POLA1: variants seen among roughly 807,000 people sequenced by gnomAD.
POLA1 encodes DNA polymerase alpha 1, catalytic subunit, also known as DNA polymerase alpha catalytic subunit.
In POLA1, 15 loss-of-function variants were observed where a neutral mutation model predicts 124.0. The observed-to-expected ratio is 0.12, with a 90% confidence interval of 0.08 to 0.19. The LOEUF (loss-of-function observed/expected upper bound fraction) is 0.19, where lower values mean the gene tolerates loss of function less well. POLA1 is among the 10% of genes least tolerant of loss of function. POLA1 has a pLI of 1.00. For missense variants in POLA1, 886 were observed against 1,103.4 expected (o/e 0.80, Z 2.79); for synonymous variants, 408 against 389.4 (o/e 1.05, Z -0.56).
chrX:24,947,752 G>T (rs1468434997), intron 36 of POLA1, among the ~76,000 whole-genome samples: 3 of 112,406 alleles, frequency 2.7e-5, no homozygotes, highest in Non-Finnish European at 5.6e-5. Context: ...TCACCCATGT[G>T]ACTTTCAGTT....
In POLA1 at chrX:24,755,425, T is replaced by G. The variant is rs746855882; in HGVS notation, c.2964+6433T>G. Among the ~76,000 whole-genome samples the G allele has an allele frequency of 2.7e-5, 3 of 112,138 alleles. No individual in the cohort carries two copies. In the East Asian group the frequency reaches 8.3e-4, roughly 31 times the overall value. On this transcript the variant is annotated intron_variant, in intron 26 of 36. Transcript: ENST00000379068. ...TCATGGGTATGAAAGGGTATCTCAT[T>G]GTGATTTTAATTTACATTTTAAAAT...
At chrX:24,928,046 C>T (rs1210627880) in intron 35 of POLA1, among the ~76,000 whole-genome samples, 1 of 112,171 alleles carries the variant, frequency 8.9e-6, no homozygotes, top group African/African-American at 3.2e-5. Flanking sequence ...TTTAAAACCA[C>T]TTAATTGTAT....
At chrX:24,747,195 C>T (rs1176613246) in intron 24 of POLA1, among the ~76,000 whole-genome samples, 91 of 98,269 alleles carry the variant, frequency 9.3e-4, no homozygotes, top group Middle Eastern at 5.6e-3. Context: ...GATGGAATTT[C>T]GCTCTTTTTG....
At chrX:24,792,709 G>A (rs1407595157) in intron 26 of POLA1, among the ~76,000 whole-genome samples, 1 of 112,288 alleles carries the variant, frequency 8.9e-6, no homozygotes, top group Non-Finnish European at 1.9e-5. Context: ...TGCAAGGCAT[G>A]ATTTAGTGTG....
intron 35 of POLA1, among the ~76,000 whole-genome samples, chrX:24,925,995 G>A (rs751878885): frequency 2.7e-5 from 3 of 110,701 alleles, no homozygotes; most frequent in Non-Finnish European, 3.8e-5. Context: ...TGAGGAGTTC[G>A]AGACCAGCCT....
At chrX:24,839,867 A>G (rs1178934498) in intron 32 of POLA1, among the ~76,000 whole-genome samples, 2 of 112,152 alleles carry the variant, frequency 1.8e-5, no homozygotes, top group Non-Finnish European at 3.8e-5. Context: ...TCACAACTAG[A>G]GTTTGAATTA....
intron 6 of POLA1, 97 bp downstream of exon 6, chrX:24,715,300 C>CTT: frequency 1.7e-6 from 1 of 578,539 alleles, no homozygotes; most frequent in Non-Finnish European, 2.8e-6. Flanking sequence ...AGAATTTTTT[C>CTT]TTTTTTTTTG....
In POLA1 at chrX:24,723,294, T is replaced by C. The variant is rs780513905; in HGVS notation, c.1200+27T>C. ...TAAACATTAGTGATTAGCTTTTAGT[T>C]CTCAGTCGTTGTATCTGCCACACAT... On this transcript the variant is annotated intron_variant, in intron 11 of 36. Transcript: ENST00000379068. The C allele has an allele frequency of 3.1e-6, 3 of 967,470 alleles. No individual in the cohort carries two copies. In the African/African-American group the frequency reaches 5.7e-5, roughly 18 times the overall value. The allele number at this position is 967,470 out of a possible 1,213,427, so 79.7% of individuals were successfully genotyped here. A position where few individuals can be genotyped will look rare whatever the true frequency, so the allele number is the denominator to read the frequency against.
At chrX:24,766,752 G>T (rs1932913572) in intron 26 of POLA1, among the ~76,000 whole-genome samples, 1 of 110,985 alleles carries the variant, frequency 9.0e-6, no homozygotes, top group Non-Finnish European at 1.9e-5. Context: ...TAGGATTTTG[G>T]AGAGGGGTGG....
intron 32 of POLA1, among the ~76,000 whole-genome samples, chrX:24,835,063 A>G (rs1389554083): frequency 2.1e-5 from 2 of 97,313 alleles, no homozygotes; most frequent in Non-Finnish European, 4.1e-5. Context: ...TTTTTTTTTT[A>G]GAGACAAAGA....
intron 35 of POLA1, among the ~76,000 whole-genome samples, chrX:24,929,528 C>T (rs750489241): frequency 8.9e-6 from 1 of 112,235 alleles, no homozygotes; most frequent in East Asian, 2.8e-4. Context: ...TCAAAGAAAA[C>T]ACCAAAGCTT....
intron 36 of POLA1, among the ~76,000 whole-genome samples, chrX:24,934,550 C>T (rs760729265): frequency 3.6e-5 from 4 of 112,283 alleles, no homozygotes; most frequent in Non-Finnish European, 7.5e-5. Flanking sequence ...TTTCTGTTCT[C>T]ATTTAGTAGA....
At chrX:24,827,122 G>T (rs777215680) in intron 32 of POLA1, among the ~76,000 whole-genome samples, 5 of 111,696 alleles carry the variant, frequency 4.5e-5, no homozygotes, top group Non-Finnish European at 9.4e-5. Context: ...TATCCTCTAG[G>T]AATTGGCTGA....
At chrX:24,725,313 G>C (rs5944672) in intron 12 of POLA1, among the ~76,000 whole-genome samples, 8 of 103,001 alleles carry the variant, frequency 7.8e-5, no homozygotes, top group Non-Finnish European at 1.2e-4. Flanking sequence ...TCCTGCCTCA[G>C]CCTCCTGAGT....
rs749632515 is a variant in POLA1 at position 24,814,965 on chromosome X, T to G, written c.3297-14T>G. On this transcript the variant is annotated splice_polypyrimidine_tract_variant and intron_variant, in intron 29 of 36. Coordinates refer to ENST00000379068, the MANE Select transcript of POLA1 (RefSeq NM_001330360.2). ...ACTGCTGTCTTTGTTTTGTTTTTTTTTTTTTTTTTGCAGCTTTGTGATTGG... is the reference window on the plus strand; with the variant it reads ...ACTGCTGTCTTTGTTTTGTTTTTTTGTTTTTTTTTGCAGCTTTGTGATTGG... 3 of 1,079,054 alleles carry G rather than the reference T, an allele frequency of 2.8e-6. No individual in the cohort carries two copies. The highest frequency in any genetic ancestry group is 1.9e-5 in the African/African-American group (1 of 52,031). The allele number at this position is 1,079,054 out of a possible 1,213,427, so 88.9% of individuals were successfully genotyped here.
intron 35 of POLA1, among the ~76,000 whole-genome samples, chrX:24,907,208 T>C (rs1342907097): frequency 1.8e-5 from 2 of 109,353 alleles, no homozygotes; most frequent in Non-Finnish European, 3.8e-5. Flanking sequence ...ATAAAAGAAA[T>C]TATCCAGTAT....
At chrX:24,854,292 C>T (rs1049047633) in intron 34 of POLA1, among the ~76,000 whole-genome samples, 2 of 110,628 alleles carry the variant, frequency 1.8e-5, no homozygotes, top group Admixed American at 9.6e-5. Flanking sequence ...TGATTCACCC[C>T]CCTCGCCTCA....
intron 34 of POLA1, among the ~76,000 whole-genome samples, chrX:24,873,551 A>G (rs747639783): frequency 1.8e-5 from 2 of 112,359 alleles, no homozygotes; most frequent in African/African-American, 3.2e-5. Flanking sequence ...CTGCAGATCT[A>G]TATGTACTGA....
At chrX:24,818,585 T>A (rs2046033094) in intron 30 of POLA1, among the ~76,000 whole-genome samples, 1 of 111,815 alleles carries the variant, frequency 8.9e-6, no homozygotes, top group Non-Finnish European at 1.9e-5. Context: ...AGGACACCTT[T>A]ATACTCTTAA....
Sources: allele counts gnomAD v4.1 joint callset (sites outside exome capture counted in the v4.1 genomes callset), GRCh38; gene constraint gnomAD v4.1.1; transcripts MANE v1.5; gene names NCBI Gene and HGNC (gene_info 2026-07-23, HGNC 2026-07-21).